SHISA9: variants seen among roughly 807,000 people sequenced by gnomAD.
SHISA9 encodes protein shisa-9.
A neutral mutation model predicts 38.0 loss-of-function variants in SHISA9; 13 were observed. The ratio of observed to expected loss-of-function variants is 0.34; its 90% CI spans 0.22 to 0.54. The LOEUF is 0.54. SHISA9 is among the 20% of genes least tolerant of loss of function. SHISA9 has a pLI of 0.91. For synonymous variants in SHISA9, 275 were observed against 242.0 expected (o/e 1.14, Z -1.27); for missense variants, 538 against 575.8 (o/e 0.93, Z 0.67).
At chr16:13,028,791 A>G (rs1387387219) in intron 2 of SHISA9, among the ~76,000 whole-genome samples, 2 of 152,220 alleles carry the variant, frequency 1.3e-5, no homozygotes, top group Non-Finnish European at 1.5e-5. Flanking sequence ...CTGGGGTCAT[A>G]TGACCATCCT....
chr16:12,997,220 T>C (rs1430735652), intron 2 of SHISA9, among the ~76,000 whole-genome samples: 2 of 151,776 alleles, frequency 1.3e-5, no homozygotes, highest in Non-Finnish European at 2.9e-5. Flanking sequence ...ATATCTGGAG[T>C]CACAACATAT....
the SHISA9 span, among the ~76,000 whole-genome samples, chr16:13,358,305 C>T: frequency 6.6e-6 from 1 of 152,054 alleles, no homozygotes; most frequent in Admixed American, 6.6e-5. Context: ...AGTGAGATAC[C>T]TGTATTCAAA....
At chr16:13,341,141 C>T in the SHISA9 span, among the ~76,000 whole-genome samples, 99 of 152,328 alleles carry the variant, frequency 6.5e-4, no homozygotes, top group Non-Finnish European at 1.1e-3. Flanking sequence ...GCACCTGGCA[C>T]AGTGCTTGCC....
chr16:13,382,033 GA>G, the SHISA9 span, among the ~76,000 whole-genome samples: 1 of 152,124 alleles, frequency 6.6e-6, no homozygotes, highest in Non-Finnish European at 1.5e-5. Flanking sequence ...ACATTAGGTT[GA>G]AAAAATTTTA....
chr16:13,322,200 C>A, the SHISA9 span, among the ~76,000 whole-genome samples: 2 of 152,186 alleles, frequency 1.3e-5, no homozygotes. Flanking sequence ...CCAACCAGAT[C>A]AGCAAATCAG....
intron 1 of SHISA9, chr16:12,910,232 G>T (rs1323146080): frequency 1.3e-5 from 2 of 154,958 alleles, no homozygotes; most frequent in African/African-American, 4.8e-5. Flanking sequence ...TGAGTGCCTA[G>T]TTCAGTATTT....
At chr16:13,470,929 G>A in the SHISA9 span, among the ~76,000 whole-genome samples, 1 of 152,020 alleles carries the variant, frequency 6.6e-6, no homozygotes, top group African/African-American at 2.4e-5. Context: ...AGTTTGCTGA[G>A]AGAAGATTTC....
At chr16:13,299,710 C>CAAAA in the SHISA9 span, among the ~76,000 whole-genome samples, 1 of 118,356 alleles carries the variant, frequency 8.4e-6, no homozygotes, top group African/African-American at 3.4e-5. Context: ...GAGCCTCTGT[C>CAAAA]AAAAAAAAAA....
intron 2 of SHISA9, among the ~76,000 whole-genome samples, chr16:13,020,421 T>A (rs769554892): frequency 8.5e-5 from 13 of 152,200 alleles, no homozygotes; most frequent in Non-Finnish European, 1.6e-4. Flanking sequence ...CCATGTGTTC[T>A]CGTCATTTAG....
At chr16:13,329,978 A>G in the SHISA9 span, among the ~76,000 whole-genome samples, 2 of 152,214 alleles carry the variant, frequency 1.3e-5, no homozygotes, top group Non-Finnish European at 1.5e-5. Flanking sequence ...TATTGTAGGA[A>G]ACATATCAAG....
At chr16:13,085,646 A>G (rs2073702254) in intron 2 of SHISA9, among the ~76,000 whole-genome samples, 1 of 152,212 alleles carries the variant, frequency 6.6e-6, no homozygotes, top group Admixed American at 6.5e-5. Context: ...CGTTATGTGT[A>G]GGTGCACCGC....
At chr16:13,046,920 A>T (rs375512606) in intron 2 of SHISA9, among the ~76,000 whole-genome samples, 1 of 151,992 alleles carries the variant, frequency 6.6e-6, no homozygotes, top group East Asian at 1.9e-4. Flanking sequence ...GAACCTGCAG[A>T]TTATTTACCC....
chr16:13,289,261 G>A, the SHISA9 span, among the ~76,000 whole-genome samples: 3 of 151,778 alleles, frequency 2.0e-5, no homozygotes, highest in Admixed American at 6.6e-5. Flanking sequence ...GGCTAAAAAG[G>A]TGGGCAGATG....
At chr16:13,524,553 T>G in the SHISA9 span, among the ~76,000 whole-genome samples, 1 of 152,058 alleles carries the variant, frequency 6.6e-6, no homozygotes, top group Non-Finnish European at 1.5e-5. Context: ...CAATTGACAT[T>G]TTGGGCTGGG....
chr16:13,073,807 G>A (rs1364075884), intron 2 of SHISA9, among the ~76,000 whole-genome samples: 1 of 152,094 alleles, frequency 6.6e-6, no homozygotes, highest in Non-Finnish European at 1.5e-5. Flanking sequence ...ACAAGCCAAG[G>A]AACGCCAAAG....
intron 2 of SHISA9, among the ~76,000 whole-genome samples, chr16:13,065,117 A>G (rs1433707564): frequency 6.6e-6 from 1 of 152,166 alleles, no homozygotes; most frequent in Non-Finnish European, 1.5e-5. Flanking sequence ...CTCCCAGACC[A>G]TGGTCCTCAC....
the SHISA9 span, chr16:13,458,314 A>G: frequency 3.8e-6 from 1 of 264,764 alleles, no homozygotes; most frequent in Non-Finnish European, 7.3e-6. Flanking sequence ...CATAAAAATT[A>G]TTGAGACTCC....
chr16:13,350,620 A>T, the SHISA9 span: 1 of 152,192 alleles, frequency 6.6e-6, no homozygotes, highest in Non-Finnish European at 1.5e-5. Context: ...TCTTCAGGTG[A>T]GTGCCTCTGT....
At chr16:13,265,820 G>GAA in the SHISA9 span, among the ~76,000 whole-genome samples, 40 of 150,586 alleles carry the variant, frequency 2.7e-4, no homozygotes, top group African/African-American at 8.5e-4. Context: ...AAGATAACTG[G>GAA]AAAAAAAAAA....
Sources: gnomAD v4.1 joint callset for allele counts (sites outside exome capture counted in the v4.1 genomes callset) on GRCh38, gnomAD v4.1.1 for gene constraint, MANE v1.5 for transcripts, NCBI Gene and HGNC (gene_info 2026-07-23, HGNC 2026-07-21) for gene names.